REC114: variants seen among roughly 807,000 people sequenced by gnomAD.
REC114 encodes meiotic recombination protein REC114.
A neutral mutation model predicts 31.3 loss-of-function variants in REC114; 27 were observed. The observed-to-expected ratio is 0.86, with a 90% CI of 0.64 to 1.19. The LOEUF (loss-of-function observed/expected upper bound fraction) is 1.19, where lower values mean the gene tolerates loss of function less well. REC114 is among the 50% of genes most tolerant of loss of function. The pLI is 0.00. For synonymous variants in REC114, 134 were observed against 127.7 expected, an observed-to-expected ratio of 1.05 and a Z score of -0.33; for missense variants, 344 against 326.9, an observed-to-expected ratio of 1.05 and a Z score of -0.40.
intron 4 of REC114, among the ~76,000 whole-genome samples, chr15:73,552,445 A>C (rs540119384): frequency 6.6e-6 from 1 of 152,378 alleles, no homozygotes; most frequent in Non-Finnish European, 1.5e-5. Flanking sequence ...AATGTTTTCA[A>C]CATTAACGTA....
intron 5 of REC114, among the ~76,000 whole-genome samples, chr15:73,556,660 G>A (rs1421899429): frequency 6.6e-6 from 1 of 152,116 alleles, no homozygotes; most frequent in African/African-American, 2.4e-5. Context: ...GTGGTTGAAT[G>A]TCCAATATAG....
intron 2 of REC114, among the ~76,000 whole-genome samples, chr15:73,518,553 G>C (rs1893893422): frequency 6.6e-6 from 1 of 152,174 alleles, no homozygotes. Flanking sequence ...AATTACTTTG[G>C]TCAGAAGTAA....
At chr15:73,469,360 G>A (rs546321763) in intron 1 of REC114, among the ~76,000 whole-genome samples, 135 of 152,156 alleles carry the variant, frequency 8.9e-4, no homozygotes, top group Middle Eastern at 6.8e-3. Context: ...GACCTTCTTT[G>A]TAACCTTTTG....
chr15:73,535,545 A>G (rs946619359), intron 2 of REC114, among the ~76,000 whole-genome samples: 1 of 149,954 alleles, frequency 6.7e-6, no homozygotes, highest in Non-Finnish European at 1.5e-5. Flanking sequence ...CAAATGGAAG[A>G]ACATTCCATG....
intron 5 of REC114, among the ~76,000 whole-genome samples, chr15:73,558,668 C>G (rs1168723786): frequency 2.0e-5 from 3 of 152,168 alleles, no homozygotes; most frequent in Admixed American, 6.5e-5. Flanking sequence ...CAATACCAAA[C>G]CCTGGATGGG....
At chr15:73,542,858 C>T (rs1482113130) in intron 3 of REC114, among the ~76,000 whole-genome samples, 2 of 151,736 alleles carry the variant, frequency 1.3e-5, no homozygotes, top group Non-Finnish European at 2.9e-5. Context: ...TTTAACTCAT[C>T]GCTAATTTTT....
chr15:73,477,813 A>G (rs1893235401), intron 2 of REC114, among the ~76,000 whole-genome samples: 1 of 152,052 alleles, frequency 6.6e-6, no homozygotes, highest in Non-Finnish European at 1.5e-5. Flanking sequence ...TAGTATTAAT[A>G]TTTTTATTTT....
At chr15:73,501,890 T>C (rs1249189769) in intron 2 of REC114, among the ~76,000 whole-genome samples, 1 of 152,218 alleles carries the variant, frequency 6.6e-6, no homozygotes, top group Non-Finnish European at 1.5e-5. Flanking sequence ...CTTAAATGTG[T>C]GCAGTTCCGG....
intron 2 of REC114, among the ~76,000 whole-genome samples, chr15:73,521,818 T>A: frequency 6.6e-6 from 1 of 152,338 alleles, no homozygotes; most frequent in South Asian, 2.1e-4. Context: ...TTGTTTCTGT[T>A]ATTTAAAACC....
At chr15:73,481,425 C>T (rs538263765) in intron 2 of REC114, among the ~76,000 whole-genome samples, 1 of 151,972 alleles carries the variant, frequency 6.6e-6, no homozygotes, top group African/African-American at 2.4e-5. Flanking sequence ...TGGAGACATA[C>T]CACTAGACTG....
rs533842900 is a variant in REC114, at chr15:73,509,080, G to A, written c.250-31405G>A. 3.7e-4 allele frequency among the ~76,000 whole-genome samples: 56 copies of A among 151,760 alleles called. No individual in the cohort carries two copies. In the East Asian group the frequency reaches 5.4e-3, roughly 15 times the overall value. ...CCACCAACAGTGTAAAAGTGTTCCC[G>A]TTTCTCCACATCCTCTCCAGCACCT... On this transcript the variant is annotated intron_variant, in intron 2 of 5. Transcript: ENST00000331090.
At chr15:73,453,708 T>A (rs1338111862) in intron 1 of REC114, among the ~76,000 whole-genome samples, 1 of 152,092 alleles carries the variant, frequency 6.6e-6, no homozygotes, top group Non-Finnish European at 1.5e-5. Flanking sequence ...AGCAAAGACT[T>A]GGAACCAACC....
intron 2 of REC114, among the ~76,000 whole-genome samples, chr15:73,490,434 C>T (rs1000826863): frequency 4.6e-5 from 7 of 152,088 alleles, no homozygotes; most frequent in African/African-American, 4.8e-5. Flanking sequence ...AGTATCTGGG[C>T]GCAGTGGCCC....
chr15:73,557,415 A>G (rs1233007402), intron 5 of REC114, among the ~76,000 whole-genome samples: 1 of 125,740 alleles, frequency 8.0e-6, no homozygotes, highest in Non-Finnish European at 1.7e-5. Flanking sequence ...TCAGTAGTTT[A>G]AAAAAAAAAA....
intron 1 of REC114, among the ~76,000 whole-genome samples, chr15:73,453,789 A>G (rs1446056036): frequency 6.6e-6 from 1 of 152,210 alleles, no homozygotes; most frequent in Non-Finnish European, 1.5e-5. Flanking sequence ...CTATGCAGCC[A>G]TAAAAAAGGA....
chr15:73,498,859 A>T (rs755488133), intron 2 of REC114, among the ~76,000 whole-genome samples: 2 of 152,198 alleles, frequency 1.3e-5, no homozygotes, highest in African/African-American at 4.8e-5. Flanking sequence ...CGTTGAAGCT[A>T]TTAAGGGATA....
intron 1 of REC114, 39 bp from the exon 2 acceptor site, chr15:73,473,793 T>A: frequency 8.8e-7 from 1 of 1,141,434 alleles, no homozygotes; most frequent in Non-Finnish European, 1.3e-6. Flanking sequence ...TATAGAAATG[T>A]ATTATCTTTT....
chr15:73,556,621 A>G (rs1345650046), intron 5 of REC114, among the ~76,000 whole-genome samples: 1 of 152,146 alleles, frequency 6.6e-6, no homozygotes, highest in Non-Finnish European at 1.5e-5. Context: ...GTCAAGATCT[A>G]CCCTCCTAAG....
At chr15:73,446,577 T>A (rs1339734986) in intron 1 of REC114, among the ~76,000 whole-genome samples, 1 of 151,618 alleles carries the variant, frequency 6.6e-6, no homozygotes, top group African/African-American at 2.4e-5. Context: ...GAGGCTGAGG[T>A]TGCAGTGAGC....
Sources: allele counts gnomAD v4.1 joint callset (sites outside exome capture counted in the v4.1 genomes callset), GRCh38; gene constraint gnomAD v4.1.1; transcripts MANE v1.5; gene names NCBI Gene and HGNC (gene_info 2026-07-23, HGNC 2026-07-21).